CD82: variants seen among roughly 807,000 people sequenced by gnomAD.
CD82 encodes CD82 molecule, also known as CD82 antigen.
Under a neutral mutation model 37.4 loss-of-function variants are expected in CD82, and 36 were observed. That is an observed-to-expected ratio of 0.96 (90% CI 0.74 to 1.27). The LOEUF (loss-of-function observed/expected upper bound fraction) is 1.27, where lower values mean the gene tolerates loss of function less well. CD82 is among the 50% of genes most tolerant of loss of function. CD82 has a pLI of 0.00. For synonymous variants in CD82, 158 were observed against 137.4 expected (o/e 1.15, Z -1.05); for missense variants, 340 against 347.0 (o/e 0.98, Z 0.16).
chr11:44,585,426 C>T (rs1280353111), intron 1 of CD82: 2 of 421,212 alleles, frequency 4.7e-6, no homozygotes, highest in Non-Finnish European at 9.7e-6. Context: ...AGGTGATCAC[C>T]CAAGGCTACA....
At position 44,597,157 on chromosome 11, in the gene CD82, A is replaced by G. The variant is rs1853240628; in HGVS notation, c.63+2432A>G. Reference sequence around the variant, plus strand: ...GTTTGGAAAAATCCCCGTGGCTGCTATGTGTGCTCGCGCCTGCGTGCATGT... The same window carrying G: ...GTTTGGAAAAATCCCCGTGGCTGCTGTGTGTGCTCGCGCCTGCGTGCATGT... On this transcript the variant is annotated intron_variant, in intron 3 of 9. Transcript: ENST00000227155. The surrounding 1 kb of genome is among the most constrained non-coding windows in gnomAD (Gnocchi z 4.1). 6.6e-6 allele frequency among the ~76,000 whole-genome samples: 1 copy of G among 152,124 alleles called. No homozygotes were observed. The highest frequency in any genetic ancestry group is 1.5e-5 in the Non-Finnish European group (1 of 68,018).
At chr11:44,601,464 C>A (rs1039174079) in intron 4 of CD82, among the ~76,000 whole-genome samples, 1 of 152,156 alleles carries the variant, frequency 6.6e-6, no homozygotes, top group Non-Finnish European at 1.5e-5. Flanking sequence ...CTGTGACACA[C>A]CCTCCTTGGC....
intron 7 of CD82, among the ~76,000 whole-genome samples, chr11:44,616,395 CTAATTTTAG>C (rs1415553810): frequency 6.6e-6 from 1 of 152,148 alleles, no homozygotes; most frequent in Non-Finnish European, 1.5e-5. Flanking sequence ...TGAGACTTTG[CTAATTTTAG>C]CAAAGTCTGG....
intron 1 of CD82, among the ~76,000 whole-genome samples, chr11:44,576,156 ATTG>A (rs1044060145): frequency 1.8e-4 from 27 of 152,202 alleles, no homozygotes; most frequent in African/African-American, 4.8e-4. Flanking sequence ...GTTCCCAGTT[ATTG>A]TTCTGGGCAG....
chr11:44,583,332 A>G (rs1470526876), intron 1 of CD82, among the ~76,000 whole-genome samples: 1 of 152,230 alleles, frequency 6.6e-6, no homozygotes, highest in Non-Finnish European at 1.5e-5. Flanking sequence ...CCCTCCTGTC[A>G]GAGAAGCCCC....
At chr11:44,618,926 C>T in intron 9 of CD82, 123 bp from the exon 10 acceptor site, 4 of 925,782 alleles carry the variant, frequency 4.3e-6, no homozygotes, top group Non-Finnish European at 6.9e-6. Flanking sequence ...GCCTGCATCA[C>T]AGGGTGGTTG....
At chr11:44,585,587 A>G (rs1853042476) in intron 1 of CD82, among the ~76,000 whole-genome samples, 1 of 152,192 alleles carries the variant, frequency 6.6e-6, no homozygotes, top group Non-Finnish European at 1.5e-5. Context: ...TGGCATCCCC[A>G]TCTGTGGATA....
intron 6 of CD82, among the ~76,000 whole-genome samples, chr11:44,610,082 G>A (rs1409781575): frequency 6.6e-6 from 1 of 152,138 alleles, no homozygotes; most frequent in Non-Finnish European, 1.5e-5. Flanking sequence ...GAAGATGTGG[G>A]TCCAATTCAT....
At chr11:44,567,420 G>T (rs1054349281) in intron 1 of CD82, among the ~76,000 whole-genome samples, 1 of 151,454 alleles carries the variant, frequency 6.6e-6, no homozygotes, top group African/African-American at 2.4e-5. Flanking sequence ...GTTCAGAAGA[G>T]TGAGACACTT....
intron 7 of CD82, among the ~76,000 whole-genome samples, chr11:44,617,909 C>T (rs1002889491): frequency 1.1e-4 from 16 of 152,186 alleles, no homozygotes; most frequent in East Asian, 3.9e-4. Flanking sequence ...AACTGTCTGC[C>T]GTCCATTCTC....
At chr11:44,584,507 C>G (rs1466858007) in intron 1 of CD82, among the ~76,000 whole-genome samples, 1 of 152,106 alleles carries the variant, frequency 6.6e-6, no homozygotes, top group Non-Finnish European at 1.5e-5. Flanking sequence ...AGGCTGGTCT[C>G]TAACTCCTGA....
At chr11:44,578,776 T>TG (rs950992551) in intron 1 of CD82, among the ~76,000 whole-genome samples, 4 of 152,122 alleles carry the variant, frequency 2.6e-5, no homozygotes, top group Non-Finnish European at 5.9e-5. Flanking sequence ...CCAGGGGGGA[T>TG]GGGGTCCCAG....
intron 3 of CD82, among the ~76,000 whole-genome samples, 175 bp from the exon 4 acceptor site, chr11:44,599,983 C>T (rs1853283896): frequency 6.6e-6 from 1 of 152,156 alleles, no homozygotes; most frequent in Admixed American, 6.5e-5. Context: ...TGGTGTCTGG[C>T]TTGCTGCGAT....
chr11:44,577,071 G>A lies in CD82; in HGVS notation c.-102-10404G>A, dbSNP rs1222370438. Among the ~76,000 whole-genome samples the A allele has an allele frequency of 3.3e-5, 5 of 152,094 alleles. 1 individual carries two copies. Among genetic ancestry groups the A allele is most frequent in the Admixed American group, 2.0e-4 (3 of 15,272 alleles). On this transcript the variant is annotated intron_variant, in intron 1 of 9. Coordinates refer to ENST00000227155, the MANE Select transcript of CD82 (RefSeq NM_002231.4). ...GGGCCCAGGATCCCAGGAAGGGCTGGCCTGGGATCTTCGCTGTTGGCCAAG... is the reference window on the plus strand; with the variant it reads ...GGGCCCAGGATCCCAGGAAGGGCTGACCTGGGATCTTCGCTGTTGGCCAAG...
chr11:44,591,246 G>A (rs1853141179), intron 2 of CD82, among the ~76,000 whole-genome samples: 1 of 152,184 alleles, frequency 6.6e-6, no homozygotes, highest in African/African-American at 2.4e-5. Flanking sequence ...GGGCCAGGCA[G>A]CCTGGGCCCT....
chr11:44,601,934 AAT>A (rs894833620), intron 4 of CD82, among the ~76,000 whole-genome samples: 14 of 152,144 alleles, frequency 9.2e-5, no homozygotes, highest in Non-Finnish European at 1.8e-4. Context: ...ATGACTTGCT[AAT>A]AGTCACAGAG....
At chr11:44,569,861 T>A (rs866549049) in intron 1 of CD82, among the ~76,000 whole-genome samples, 1 of 152,202 alleles carries the variant, frequency 6.6e-6, no homozygotes, top group Non-Finnish European at 1.5e-5. Flanking sequence ...TGAGCCTCAG[T>A]TTTTGAACCT....
At chr11:44,610,471 G>C (rs1156640601) in intron 6 of CD82, among the ~76,000 whole-genome samples, 1 of 152,218 alleles carries the variant, frequency 6.6e-6, no homozygotes, top group Non-Finnish European at 1.5e-5. Flanking sequence ...TGGATGATTT[G>C]CTGGACGCAA....
rs773463121 is a variant in CD82 at position 44,618,727 on chromosome 11, T to G, written c.726+4T>G. The G allele has an allele frequency of 1.2e-5, 20 of 1,610,766 alleles. No homozygotes were observed. In the Admixed American group the frequency reaches 3.0e-4, roughly 24 times the overall value. On this transcript the variant is annotated splice_donor_region_variant and intron_variant, in intron 9 of 9. Coordinates refer to ENST00000227155, the MANE Select transcript of CD82 (RefSeq NM_002231.4). ...CGTGGGTGTGGCCATCATCGAGGTC[T>G]GAGCCCCCTCCCCCATCCCTTCTCC...
Sources: allele counts gnomAD v4.1 joint callset (sites outside exome capture counted in the v4.1 genomes callset), GRCh38; gene constraint gnomAD v4.1.1; non-coding constraint Gnocchi (gnomAD v3.1); transcripts MANE v1.5; gene names NCBI Gene and HGNC (gene_info 2026-07-23, HGNC 2026-07-21).